The following CALR3 variants were observed in gnomAD, a reference collection of about 807,000 sequenced individuals.
CALR3 encodes calreticulin-3.
CALR3 carries 39 observed loss-of-function variants against 48.7 expected under a neutral mutation model. The ratio of observed to expected loss-of-function variants is 0.80; its 90% CI spans 0.62 to 1.05. The LOEUF is 1.05. CALR3 is among the 50% of genes least tolerant of loss of function. The probability of loss-of-function intolerance (pLI) is 0.00; values close to 1 mark genes in which losing one functional copy is unlikely to be tolerated. For synonymous variants in CALR3, 185 were observed against 172.7 expected (o/e 1.07, Z -0.56); for missense variants, 449 against 474.7 (o/e 0.95, Z 0.50).
Position 16,484,002 on chromosome 19 carries a change from T to C in CALR3, c.606A>G (p.Leu202=). 2.5e-6 allele frequency: 4 copies of C among 1,614,116 alleles called. No individual in the cohort carries two copies. The highest frequency in any genetic ancestry group is 3.4e-6 in the Non-Finnish European group (4 of 1,180,032). Residue 202 remains leucine, a synonymous_variant, in exon 5 of 9, where the codon TTA becomes TTG. Coordinates refer to ENST00000269881, the MANE Select transcript of CALR3 (RefSeq NM_145046.5). ...GGGACGTTTCCTTCTTGAGTGATGT[T>C]AAGTTCCAGTCGTACTCTATGCTGC... ...ESGSIEYDWN[L]TSLKKETSPA...
chr19:16,479,472 C>T (rs1014240917), intron 8 of CALR3, among the ~76,000 whole-genome samples, 198 bp from the exon 9 acceptor site: 1 of 151,294 alleles, frequency 6.6e-6, no homozygotes, highest in Non-Finnish European at 1.5e-5. Context: ...CCTGTAGTCC[C>T]AGCTACTCGG....
intron 2 of CALR3, among the ~76,000 whole-genome samples, chr19:16,492,744 C>A (rs889602354): frequency 6.6e-6 from 1 of 151,114 alleles, no homozygotes. Flanking sequence ...TGGTGGCAGG[C>A]GCCTGTAGTT....
At chr19:16,488,626 TTGAACTCC>T (rs2122139832) in intron 3 of CALR3, among the ~76,000 whole-genome samples, 1 of 152,226 alleles carries the variant, frequency 6.6e-6, no homozygotes, top group Non-Finnish European at 1.5e-5. Context: ...CAGGCTGGTC[TTGAACTCC>T]TGAACTCCAG....
At chr19:16,493,355 A>G (rs2093400836) in intron 2 of CALR3, among the ~76,000 whole-genome samples, 1 of 152,202 alleles carries the variant, frequency 6.6e-6, no homozygotes, top group East Asian at 1.9e-4. Flanking sequence ...TAATGGGATC[A>G]TGGTCATTAT....
intron 3 of CALR3, among the ~76,000 whole-genome samples, chr19:16,486,317 A>AT (rs2093388936): frequency 7.2e-6 from 1 of 139,694 alleles, no homozygotes; most frequent in East Asian, 2.1e-4. Context: ...CTCCGTCTCA[A>AT]TTAAAAAAAA....
rs745990968 is a variant in CALR3, at chr19:16,496,130, G to A, written c.-1C>T. ...AGAGCTGGACCAAAGCCCGGGCCAT[G>A]GGGGTGTGCACTGCGCTTCCGGTCG... On this transcript the variant is annotated 5_prime_UTR_variant, in exon 1 of 9. Coordinates refer to ENST00000269881, the MANE Select transcript of CALR3 (RefSeq NM_145046.5). 6.3e-7 allele frequency: 1 copy of A among 1,598,392 alleles called. No homozygotes were observed. Among genetic ancestry groups the A allele is most frequent in the South Asian group, 1.1e-5 (1 of 88,778 alleles).
intron 8 of CALR3, 131 bp from the exon 9 acceptor site, chr19:16,479,405 G>T: frequency 1.0e-6 from 1 of 957,822 alleles, no homozygotes; most frequent in African/African-American, 1.7e-5. Flanking sequence ...CTAACACGGT[G>T]AAACACAGTC....
chr19:16,480,810 T>C lies in CALR3; in HGVS notation c.919-104A>G, dbSNP rs2093379584. On this transcript the variant is annotated intron_variant, in intron 7 of 8. Transcript: ENST00000269881. ...GGAAATACATGAAGCTCAGGTGACATTTTTTATTTTTTAGAGATGGGGTCT... is the reference window on the plus strand; with the variant it reads ...GGAAATACATGAAGCTCAGGTGACACTTTTTATTTTTTAGAGATGGGGTCT... 5.5e-6 allele frequency: 5 copies of C among 902,942 alleles called. No individual in the cohort carries two copies. The East Asian group carries it at 1.4e-4, about 25-fold the overall frequency. 55.9% of individuals were successfully genotyped at this position (902,942 alleles called of 1,614,324 possible).
intron 2 of CALR3, among the ~76,000 whole-genome samples, chr19:16,493,973 T>C (rs2093401879): frequency 6.6e-6 from 1 of 152,154 alleles, no homozygotes; most frequent in African/African-American, 2.4e-5. Flanking sequence ...GCTTGCCTTA[T>C]CTTGACCTGC....
At position 16,480,705 on chromosome 19, in the gene CALR3, A is replaced by G; in HGVS notation, c.920T>C (p.Val307Ala). 6.2e-7 allele frequency: 1 copy of G among 1,601,804 alleles called. No homozygotes were observed. Among genetic ancestry groups the G allele is most frequent in the African/African-American group, 1.3e-5 (1 of 74,808 alleles). Residue 307 changes from valine to alanine, a missense_variant and splice_region_variant, in exon 8 of 9, where the codon GTG becomes GCG. Transcript: ENST00000269881. ...IGAIGLELWQ[V>A]RSGTIFDNFL... is the part of the protein sequence containing the mutation. The stretch of plus-strand genomic sequence containing the variant: ...GTTATCAAAAATGGTTCCAGATCTC[A>G]CCTGCAGATGAAAATAAGGCCTTCA...
chr19:16,495,164 T>G (rs1260326045), intron 2 of CALR3, among the ~76,000 whole-genome samples: 1 of 150,456 alleles, frequency 6.6e-6, no homozygotes, highest in East Asian at 1.9e-4. Context: ...AGACGGAGGT[T>G]TGAGTGAGCC....
intron 8 of CALR3, among the ~76,000 whole-genome samples, chr19:16,479,951 TC>T (rs2093377883): frequency 6.6e-6 from 1 of 151,938 alleles, no homozygotes; most frequent in Admixed American, 6.6e-5. Flanking sequence ...ACACCTGTAA[TC>T]CCAGCACTTT....
chr19:16,487,084 C>T (rs139393889), intron 3 of CALR3, among the ~76,000 whole-genome samples: 1,939 of 152,056 alleles, frequency 0.013, 40 homozygotes, highest in African/African-American at 0.045. Context: ...TAGCTTACTG[C>T]ATCCTCAAAC....
chr19:16,490,623 C>T (rs914843842), intron 2 of CALR3, 53 bp from the exon 3 acceptor site: 28 of 1,497,470 alleles, frequency 1.9e-5, no homozygotes, highest in East Asian at 2.3e-5. Context: ...CGCTAAGTAA[C>T]GCAGGAAGTT....
chr19:16,479,188 T>C lies in CALR3; in HGVS notation c.1098A>G (p.Gly366=). 1 of 1,614,128 alleles carries C rather than the reference T, an allele frequency of 6.2e-7. No homozygotes were observed. Among genetic ancestry groups the C allele is most frequent in the Non-Finnish European group, 8.5e-7 (1 of 1,180,040 alleles). ...REEEEEELLS[G]KINRHEHYFN... ...AGTAATGTTCGTGCCTGTTAATTTT[T>C]CCCGACAGCAGCTCTTCCTCCTCTT... Residue 366 remains glycine (G), a synonymous_variant, in exon 9 of 9, where the codon GGA becomes GGG. Transcript: ENST00000269881.
chr19:16,481,519 C>T (rs934622913), intron 7 of CALR3, among the ~76,000 whole-genome samples: 26 of 127,146 alleles, frequency 2.0e-4, no homozygotes, highest in African/African-American at 6.3e-4. Context: ...CACTCTGTTG[C>T]GGAGGCTGGA....
intron 3 of CALR3, among the ~76,000 whole-genome samples, chr19:16,488,405 A>C (rs1209726748): frequency 6.6e-6 from 1 of 151,966 alleles, no homozygotes; most frequent in East Asian, 1.9e-4. Flanking sequence ...TTTTGGAAGT[A>C]CATTCATTCT....
At chr19:16,494,705 A>C (rs966975151) in intron 2 of CALR3, among the ~76,000 whole-genome samples, 1 of 152,168 alleles carries the variant, frequency 6.6e-6, no homozygotes, top group Non-Finnish European at 1.5e-5. Flanking sequence ...AAAAGTACCC[A>C]CTAACCTTTT....
At chr19:16,480,209 A>T in intron 8 of CALR3, among the ~76,000 whole-genome samples, 1 of 142,176 alleles carries the variant, frequency 7.0e-6, no homozygotes, top group Admixed American at 7.9e-5. Context: ...TCAAAAAAAA[A>T]AAAAAAAAAA....
Sources: allele counts gnomAD v4.1 joint callset (sites outside exome capture counted in the v4.1 genomes callset), GRCh38; gene constraint gnomAD v4.1.1; transcripts MANE v1.5; gene names NCBI Gene and HGNC (gene_info 2026-07-23, HGNC 2026-07-21).